The following PCDH15 variants were observed in gnomAD, a reference collection of about 807,000 sequenced individuals.
PCDH15 encodes protocadherin related 15.
In PCDH15, 129 loss-of-function variants were observed where a neutral mutation model predicts 178.5. The ratio of observed to expected loss-of-function variants is 0.72; its 90% CI spans 0.63 to 0.84. PCDH15 has a LOEUF of 0.84. Among genes scored for constraint, PCDH15 ranks in the 40% least tolerant of loss-of-function variants. PCDH15 has a pLI of 0.00. For synonymous variants in PCDH15, 800 were observed against 732.0 expected, an observed-to-expected ratio of 1.09 and a Z score of -1.50; for missense variants, 2,230 against 2,099.9, an observed-to-expected ratio of 1.06 and a Z score of -1.21.
At position 55,183,123 on chromosome 10, in the gene PCDH15, A is replaced by G. The variant is rs184432483; in HGVS notation, c.-155-16472T>C. On this transcript the variant is annotated intron_variant, in intron 1 of 5. Coordinates refer to the PCDH15 transcript ENST00000458638. ...GTACAGAGGAAGCAGTTGATTTTGA[A>G]AAAGTTGTTACTTATCTAATGTCAA... Among the ~76,000 whole-genome samples the G allele has an allele frequency of 6.4e-3, 967 of 152,116 alleles. 13 individuals are homozygous for G. The highest frequency in any genetic ancestry group is 0.022 in the African/African-American group (929 of 41,530).
chr10:53,981,648 C>A (rs2090649374), intron 21 of PCDH15, among the ~76,000 whole-genome samples: 2 of 149,992 alleles, frequency 1.3e-5, no homozygotes, highest in African/African-American at 4.9e-5. Context: ...CCCTTCCTTA[C>A]ACCTTATACA....
intron 5 of PCDH15, among the ~76,000 whole-genome samples, chr10:54,366,087 A>G (rs1946752512): frequency 6.6e-6 from 1 of 152,080 alleles, no homozygotes; most frequent in East Asian, 1.9e-4. Flanking sequence ...TGACCTAAGG[A>G]CTTGAGTTTT....
chr10:54,331,497 A>C (rs1041061225), intron 6 of PCDH15, among the ~76,000 whole-genome samples: 3 of 151,958 alleles, frequency 2.0e-5, no homozygotes, highest in African/African-American at 7.2e-5. Context: ...ATTTTCCCTA[A>C]TTTTTTGCCT....
chr10:54,664,405 C>A (rs961205288), intron 1 of PCDH15, 115 bp from the exon 2 acceptor site: 16 of 689,062 alleles, frequency 2.3e-5, no homozygotes, highest in Non-Finnish European at 4.1e-5. Flanking sequence ...ATTACCTGTG[C>A]CACATTATCC....
chr10:55,068,571 C>A (rs964293918), intron 2 of PCDH15, among the ~76,000 whole-genome samples: 5 of 151,970 alleles, frequency 3.3e-5, no homozygotes, highest in African/African-American at 4.8e-5. Context: ...TTCTTTGGCT[C>A]TTCTGGATAT....
At chr10:55,026,589 T>C (rs1840480141) in intron 2 of PCDH15, among the ~76,000 whole-genome samples, 2 of 151,904 alleles carry the variant, frequency 1.3e-5, no homozygotes, top group Admixed American at 6.6e-5. Context: ...ATTAATGTTA[T>C]GAGCAATATG....
intron 2 of PCDH15, among the ~76,000 whole-genome samples, chr10:55,160,905 G>C (rs1284715329): frequency 2.6e-5 from 4 of 152,070 alleles, no homozygotes; most frequent in African/African-American, 9.7e-5. Flanking sequence ...GTCATTTAAA[G>C]CCTTGCCTGG....
chr10:55,136,180 T>A (rs1168187734), intron 2 of PCDH15, among the ~76,000 whole-genome samples: 1 of 152,130 alleles, frequency 6.6e-6, no homozygotes, highest in African/African-American at 2.4e-5. Flanking sequence ...ATTATTCTAG[T>A]ATGGTAAAGA....
At chr10:54,411,056 T>C (rs1647206438) in intron 3 of PCDH15, among the ~76,000 whole-genome samples, 1 of 152,136 alleles carries the variant, frequency 6.6e-6, no homozygotes, top group South Asian at 2.1e-4. Context: ...TGTGTGTGCA[T>C]GTGCAGCACA....
At chr10:53,988,083 C>A (rs371541334) in intron 21 of PCDH15, among the ~76,000 whole-genome samples, 2 of 152,186 alleles carry the variant, frequency 1.3e-5, no homozygotes, top group African/African-American at 4.8e-5. Context: ...CCATCCCAGG[C>A]TCTTTAAATG....
chr10:54,901,645 C>T (rs1425454902), intron 2 of PCDH15, among the ~76,000 whole-genome samples: 2 of 151,994 alleles, frequency 1.3e-5, no homozygotes, highest in Non-Finnish European at 2.9e-5. Context: ...TACCTGGCAC[C>T]TACACAGATA....
chr10:55,333,205 C>T (rs1224752321), intron 2 of PCDH15, among the ~76,000 whole-genome samples: 1 of 151,914 alleles, frequency 6.6e-6, no homozygotes, highest in Non-Finnish European at 1.5e-5. Flanking sequence ...ATGTGATTAC[C>T]AATGCAAGTA....
intron 2 of PCDH15, among the ~76,000 whole-genome samples, chr10:55,375,068 T>C (rs1219062338): frequency 1.3e-5 from 2 of 152,124 alleles, no homozygotes; most frequent in Non-Finnish European, 2.9e-5. Context: ...ACCACATATA[T>C]GTTGTGTTAG....
At chr10:54,812,153 A>G (rs1044910380) in intron 3 of PCDH15, among the ~76,000 whole-genome samples, 10 of 152,200 alleles carry the variant, frequency 6.6e-5, no homozygotes, top group African/African-American at 2.4e-4. Context: ...AGTATCAAGA[A>G]GAATAAGTTT....
chr10:55,310,366 A>C (rs1843554588), intron 1 of PCDH15, among the ~76,000 whole-genome samples: 1 of 152,204 alleles, frequency 6.6e-6, no homozygotes, highest in Non-Finnish European at 1.5e-5. Context: ...ATTATAAAAC[A>C]TAGTGGAAGT....
chr10:55,033,987 G>A (rs1334629057), intron 2 of PCDH15, among the ~76,000 whole-genome samples: 1 of 151,878 alleles, frequency 6.6e-6, no homozygotes, highest in African/African-American at 2.4e-5. Flanking sequence ...TGAGGGTACA[G>A]CATTCCTCCT....
intron 2 of PCDH15, among the ~76,000 whole-genome samples, chr10:55,412,126 G>A (rs1301145110): frequency 6.6e-6 from 1 of 151,960 alleles, no homozygotes; most frequent in Non-Finnish European, 1.5e-5. Context: ...GAATCAAACG[G>A]ATGAGGGCTT....
chr10:55,396,807 A>T (rs1227425989), intron 2 of PCDH15, among the ~76,000 whole-genome samples: 1 of 152,174 alleles, frequency 6.6e-6, no homozygotes, highest in Non-Finnish European at 1.5e-5. Flanking sequence ...AGGCCACAAA[A>T]TGCCTTTTAT....
intron 16 of PCDH15, among the ~76,000 whole-genome samples, chr10:54,086,082 T>C (rs1163148890): frequency 1.3e-5 from 2 of 152,152 alleles, no homozygotes; most frequent in Non-Finnish European, 2.9e-5. Flanking sequence ...GGAATACTTA[T>C]GGCTGGGTAA....
Sources: gnomAD v4.1 joint callset for allele counts (sites outside exome capture counted in the v4.1 genomes callset) on GRCh38, gnomAD v4.1.1 for gene constraint, MANE v1.5 for transcripts, NCBI Gene and HGNC (gene_info 2026-07-23, HGNC 2026-07-21) for gene names.